STOX2: variants seen among roughly 807,000 people sequenced by gnomAD.
STOX2 encodes the protein storkhead box 2, also known as storkhead-box protein 2.
STOX2 carries 28 observed loss-of-function variants against 60.9 expected under a neutral mutation model. That is an observed-to-expected ratio of 0.46 (90% confidence interval 0.34 to 0.63). STOX2 has a LOEUF of 0.63. STOX2 is among the 30% of genes least tolerant of loss of function. The pLI is 0.01. For missense variants in STOX2, 1,024 were observed against 1,187.7 expected, an observed-to-expected ratio of 0.86 and a Z score of 2.03; for synonymous variants, 472 against 463.9, an observed-to-expected ratio of 1.02 and a Z score of -0.22.
At chr4:183,970,791 C>T (rs1743721318) in intron 1 of STOX2, among the ~76,000 whole-genome samples, 1 of 152,224 alleles carries the variant, frequency 6.6e-6, no homozygotes, top group South Asian at 2.1e-4. Context: ...TGCAAATCTG[C>T]TCATGCTGCA....
chr4:183,804,041 T>C (rs1738828456), intron 1 of STOX2, among the ~76,000 whole-genome samples: 1 of 152,206 alleles, frequency 6.6e-6, no homozygotes, highest in Admixed American at 6.5e-5. Flanking sequence ...AAGCACTTGA[T>C]AGAATAGAGA....
At chr4:183,843,299 C>G (rs1739912148) in intron 1 of STOX2, among the ~76,000 whole-genome samples, 1 of 152,174 alleles carries the variant, frequency 6.6e-6, no homozygotes, top group Admixed American at 6.5e-5. Context: ...ACAGTTCACA[C>G]AGAGACGTCA....
At chr4:183,879,565 C>T (rs1204445627) in intron 1 of STOX2, among the ~76,000 whole-genome samples, 1 of 152,214 alleles carries the variant, frequency 6.6e-6, no homozygotes, top group Non-Finnish European at 1.5e-5. Context: ...GCCGCATCTC[C>T]ATGATCTCTT....
rs1734643228 is a variant in STOX2, at chr4:184,022,873, T to C, written c.*5589T>C. The C allele has an allele frequency of 6.6e-6, 1 of 152,112 alleles. No homozygotes were observed. Among genetic ancestry groups the C allele is most frequent in the South Asian group, 2.1e-4 (1 of 4,812 alleles). 9.4% of individuals were successfully genotyped at this position (152,112 alleles called of 1,614,324 possible). On this transcript the variant is annotated 3_prime_UTR_variant, in exon 4 of 4. Transcript: ENST00000308497. ...ACTGTGCAGTATCGTGCACACTTGCTGGGTTAGGAATAGAGCTGCCCTAGG... is the reference window on the plus strand; with the variant it reads ...ACTGTGCAGTATCGTGCACACTTGCCGGGTTAGGAATAGAGCTGCCCTAGG...
intron 1 of STOX2, among the ~76,000 whole-genome samples, chr4:183,874,400 TAGAGAAGGAGG>T (rs956708425): frequency 1.3e-5 from 2 of 152,172 alleles, no homozygotes; most frequent in African/African-American, 4.8e-5. Context: ...TGCTCCCTTT[TAGAGAAGGAGG>T]ACAGTCCTTA....
chr4:183,829,878 G>A (rs1195146572), intron 1 of STOX2, among the ~76,000 whole-genome samples: 3 of 152,162 alleles, frequency 2.0e-5, no homozygotes, highest in Non-Finnish European at 2.9e-5. Context: ...AAAGAGACAC[G>A]AAGAAAAGTG....
At chr4:183,953,575 A>ATTTTTTTTTT (rs71951843) in intron 1 of STOX2, among the ~76,000 whole-genome samples, 2 of 144,088 alleles carry the variant, frequency 1.4e-5, no homozygotes, top group African/African-American at 2.7e-5. Context: ...ATTATCCCTG[A>ATTTTTTTTTT]TTTTTTTTGA....
At chr4:183,922,438 C>T (rs1272773775) in intron 1 of STOX2, among the ~76,000 whole-genome samples, 3 of 151,742 alleles carry the variant, frequency 2.0e-5, no homozygotes, top group Non-Finnish European at 4.4e-5. Flanking sequence ...CCTCCACCTC[C>T]CGGGTTCAAG....
intron 1 of STOX2, among the ~76,000 whole-genome samples, chr4:183,872,509 G>A (rs1740716381): frequency 1.3e-5 from 2 of 152,162 alleles, no homozygotes; most frequent in African/African-American, 4.8e-5. Flanking sequence ...AATCACAAGT[G>A]TGTTTAAAAA....
chr4:184,009,498 G>T lies in STOX2; in HGVS notation c.660G>T (p.Lys220Asn). Residue 220 changes from lysine (K) to asparagine (N), a missense_variant, in exon 3 of 4, where the codon AAG becomes AAT. Physicochemically the swap from Lys to Asn is moderately conservative, Grantham distance 94. This residue lies in a region of STOX2 where 922 missense variants were observed against 1,058.3 expected (regional missense o/e 0.87). Coordinates refer to ENST00000308497, the MANE Select transcript of STOX2 (RefSeq NM_020225.3). The surrounding 1 kb of genome is among the most constrained non-coding windows in gnomAD (Gnocchi z 4.0). ...CCACCCTGCAAAGGAAGTCTGCCAA[G>T]GACTGCAAAGACCCTTACTGTCCCC... Reference protein sequence around the residue: ...HAPTLQRKSAKDCKDPYCPPS... With the variant: ...HAPTLQRKSANDCKDPYCPPS... The T allele has an allele frequency of 6.2e-7, 1 of 1,614,032 alleles. No individual in the cohort carries two copies. The highest frequency in any genetic ancestry group is 8.5e-7 in the Non-Finnish European group (1 of 1,179,896).
At chr4:184,013,740 G>A (rs1185273759) in intron 3 of STOX2, among the ~76,000 whole-genome samples, 1 of 152,206 alleles carries the variant, frequency 6.6e-6, no homozygotes, top group Non-Finnish European at 1.5e-5. Flanking sequence ...ATTTTAGCCA[G>A]ATAGCATTAT....
chr4:183,807,793 T>C (rs574617279), intron 1 of STOX2, among the ~76,000 whole-genome samples: 2 of 152,036 alleles, frequency 1.3e-5, no homozygotes, highest in African/African-American at 2.4e-5. Context: ...ACGGCCCAGA[T>C]GCATGACTGG....
intron 1 of STOX2, among the ~76,000 whole-genome samples, chr4:183,920,690 G>T (rs779072538): frequency 3.3e-5 from 5 of 152,190 alleles, no homozygotes; most frequent in Admixed American, 6.5e-5. Flanking sequence ...GGGATTTGCT[G>T]AGTGTTTCCC....
At position 183,862,172 on chromosome 4, in the gene STOX2, T is replaced by A. The variant is rs1416298380; in HGVS notation, c.364+64117T>A. Among the ~76,000 whole-genome samples, 3 of 36,836 alleles carry A rather than the reference T, an allele frequency of 8.1e-5. No individual in the cohort carries two copies. The East Asian group carries it at 2.8e-3, about 35-fold the overall frequency. The allele number at this position is 36,836 out of a possible 152,430, so 24.2% of individuals were successfully genotyped here. ...TAACGTTAAGTGTTTGTTGTTGTTG[T>A]TTGTTTGTTTGTTTGTTTTTTGAGA... On this transcript the variant is annotated intron_variant, in intron 1 of 2. Coordinates refer to the STOX2 transcript ENST00000513034.
chr4:183,818,250 T>G (rs7669611), intron 1 of STOX2, among the ~76,000 whole-genome samples: 13,837 of 151,516 alleles, frequency 0.091, 1,992 homozygotes, highest in African/African-American at 0.32. Context: ...GCGGCCTTCC[T>G]CAGTGTTTGT....
At position 183,872,611 on chromosome 4, in the gene STOX2, T is replaced by C. The variant is rs1740718544; in HGVS notation, c.364+74556T>C. 2.0e-5 allele frequency among the ~76,000 whole-genome samples: 3 copies of C among 152,206 alleles called. 1 individual carries two copies. In the South Asian group the frequency reaches 6.2e-4, roughly 32 times the overall value. ...CATAAAAGGGGCCTCTTGCAGATTG[T>C]GAAGTGGTGGTTTTTAAAATTAGAA... On this transcript the variant is annotated intron_variant, in intron 1 of 2. Transcript: ENST00000513034.
At chr4:183,902,850 CA>C (rs1741492088), upstream of STOX2, among the ~76,000 whole-genome samples, 1 of 152,192 alleles carries the variant, frequency 6.6e-6, no homozygotes, top group African/African-American at 2.4e-5. Flanking sequence ...GCCTATGTAC[CA>C]CCTGATTATT....
chr4:183,928,019 A>T (rs1742295327), intron 1 of STOX2, among the ~76,000 whole-genome samples: 1 of 152,216 alleles, frequency 6.6e-6, no homozygotes, highest in Non-Finnish European at 1.5e-5. Context: ...GCTACTCAAC[A>T]GAGAGGATAC....
intron 1 of STOX2, among the ~76,000 whole-genome samples, chr4:183,817,689 T>G (rs1739184011): frequency 6.6e-6 from 1 of 152,174 alleles, no homozygotes; most frequent in African/African-American, 2.4e-5. Flanking sequence ...CTCATCCAGT[T>G]TAGGTGAATT....
Sources: allele counts gnomAD v4.1 joint callset (sites outside exome capture counted in the v4.1 genomes callset), GRCh38; gene constraint gnomAD v4.1.1; regional missense constraint gnomAD v4.1.1; non-coding constraint Gnocchi (gnomAD v3.1); transcripts MANE v1.5; gene names NCBI Gene and HGNC (gene_info 2026-07-23, HGNC 2026-07-21).